VWC2: variants seen among roughly 807,000 people sequenced by gnomAD.
VWC2 encodes von Willebrand factor C domain containing 2.
VWC2 carries 14 observed loss-of-function variants against 29.8 expected under a neutral mutation model. The ratio of observed to expected loss-of-function variants is 0.47; its 90% confidence interval spans 0.31 to 0.74. The LOEUF is 0.74. Among genes scored for constraint, VWC2 ranks in the 30% least tolerant of loss-of-function variants. The probability of loss-of-function intolerance (pLI) is 0.05; values close to 1 mark genes in which losing one functional copy is unlikely to be tolerated. For synonymous variants in VWC2, 213 were observed against 199.0 expected (o/e 1.07, Z -0.59); for missense variants, 457 against 459.8 (o/e 0.99, Z 0.05).
At chr7:49,802,106 C>A (rs1209711511) in intron 2 of VWC2, among the ~76,000 whole-genome samples, 1 of 150,296 alleles carries the variant, frequency 6.7e-6, no homozygotes, top group Non-Finnish European at 1.5e-5. Context: ...AGATGAAAAA[C>A]ATTTCTTCAA....
At chr7:49,820,208 AC>A (rs1789235233) in intron 3 of VWC2, among the ~76,000 whole-genome samples, 1 of 152,102 alleles carries the variant, frequency 6.6e-6, no homozygotes, top group Non-Finnish European at 1.5e-5. Context: ...GCCCTACCCC[AC>A]AGCCGCTCTG....
At chr7:49,908,209 G>A (rs1442299824) in intron 3 of VWC2, among the ~76,000 whole-genome samples, 1 of 152,100 alleles carries the variant, frequency 6.6e-6, no homozygotes, top group Non-Finnish European at 1.5e-5. Context: ...TATTTTAATG[G>A]TAAAGCTGGT....
chr7:49,874,882 T>C (rs1029983739), intron 3 of VWC2, among the ~76,000 whole-genome samples: 2 of 152,164 alleles, frequency 1.3e-5, no homozygotes, highest in Non-Finnish European at 2.9e-5. Flanking sequence ...AACCTGCCTG[T>C]TGGTTCTTCC....
intron 3 of VWC2, among the ~76,000 whole-genome samples, chr7:49,895,087 A>G (rs1250980312): frequency 6.6e-6 from 1 of 152,180 alleles, no homozygotes; most frequent in Non-Finnish European, 1.5e-5. Flanking sequence ...TCAGAAATGT[A>G]TTTTCTCACA....
At chr7:49,893,933 T>C (rs886798474) in intron 3 of VWC2, among the ~76,000 whole-genome samples, 6 of 152,186 alleles carry the variant, frequency 3.9e-5, no homozygotes, top group Non-Finnish European at 5.9e-5. Flanking sequence ...TAAAATAAAA[T>C]GCGTTGCCAC....
chr7:49,824,685 A>G (rs1202885112), intron 3 of VWC2, among the ~76,000 whole-genome samples: 1 of 152,152 alleles, frequency 6.6e-6, no homozygotes, highest in Non-Finnish European at 1.5e-5. Context: ...GTCTACAAAC[A>G]TGGCATATCT....
At chr7:49,800,460 C>T (rs1330798463) in intron 2 of VWC2, among the ~76,000 whole-genome samples, 1 of 152,110 alleles carries the variant, frequency 6.6e-6, no homozygotes, top group Non-Finnish European at 1.5e-5. Flanking sequence ...GGAGTAGATG[C>T]CACGTTGTGC....
At chr7:49,907,459 A>AT (rs1444672474) in intron 3 of VWC2, among the ~76,000 whole-genome samples, 1 of 152,202 alleles carries the variant, frequency 6.6e-6, no homozygotes, top group Non-Finnish European at 1.5e-5. Context: ...TAACAGTAGG[A>AT]TAAAAATAGG....
chr7:49,860,996 G>A (rs1396154493), intron 3 of VWC2, among the ~76,000 whole-genome samples: 1 of 152,146 alleles, frequency 6.6e-6, no homozygotes, highest in Non-Finnish European at 1.5e-5. Flanking sequence ...CCAGTCTGTG[G>A]TATTTTAAAT....
In VWC2 at chr7:49,916,463, T is replaced by C. The variant is rs769953055; in HGVS notation, c.*4278T>C. On this transcript the variant is annotated 3_prime_UTR_variant, in exon 4 of 4. Coordinates refer to ENST00000340652, the MANE Select transcript of VWC2 (RefSeq NM_198570.5). ...GCTGGTAAGGCTTCTGTAGTTCTTA[T>C]TGGAAGAATTGTCACTCTATGTCCC... The C allele has an allele frequency of 2.0e-5, 3 of 152,226 alleles. No individual in the cohort carries two copies. Among genetic ancestry groups the C allele is most frequent in the Non-Finnish European group, 2.9e-5 (2 of 68,044 alleles). The allele number at this position is 152,226 out of a possible 1,614,324, so 9.4% of individuals were successfully genotyped here. A position where few individuals can be genotyped will look rare whatever the true frequency, so the allele number is the denominator to read the frequency against.
At chr7:49,795,485 C>T (rs1259041619) in intron 2 of VWC2, among the ~76,000 whole-genome samples, 3 of 152,160 alleles carry the variant, frequency 2.0e-5, no homozygotes, top group Non-Finnish European at 4.4e-5. Context: ...CACCATCGGT[C>T]CCTTCTTTAA....
chr7:49,829,695 C>T (rs192860083), intron 3 of VWC2, among the ~76,000 whole-genome samples: 5 of 152,368 alleles, frequency 3.3e-5, no homozygotes, highest in Admixed American at 6.5e-5. Flanking sequence ...CTTCCTCTCC[C>T]TTCACATTGC....
At chr7:49,883,931 A>G in intron 3 of VWC2, among the ~76,000 whole-genome samples, 1 of 152,252 alleles carries the variant, frequency 6.6e-6, no homozygotes, top group East Asian at 1.9e-4. Flanking sequence ...CTAAGAACAG[A>G]AAGCAGTGGA....
intron 3 of VWC2, among the ~76,000 whole-genome samples, chr7:49,879,995 G>A (rs1290909437): frequency 6.6e-6 from 1 of 152,056 alleles, no homozygotes; most frequent in Non-Finnish European, 1.5e-5. Flanking sequence ...CAGGCTTCAA[G>A]TTTCAAGAAA....
intron 3 of VWC2, among the ~76,000 whole-genome samples, chr7:49,830,700 G>T (rs1477923075): frequency 6.6e-6 from 1 of 152,050 alleles, no homozygotes; most frequent in Non-Finnish European, 1.5e-5. Flanking sequence ...CTCGGTGTGT[G>T]ATGCTCCCCT....
At chr7:49,880,119 T>C (rs182762396) in intron 3 of VWC2, among the ~76,000 whole-genome samples, 2 of 152,332 alleles carry the variant, frequency 1.3e-5, no homozygotes, top group Admixed American at 1.3e-4. Flanking sequence ...CAAAGTGTTT[T>C]TGTTTCATTT....
At chr7:49,789,120 AGTGT>A (rs545937457) in intron 2 of VWC2, among the ~76,000 whole-genome samples, 20 of 119,232 alleles carry the variant, frequency 1.7e-4, no homozygotes, top group Non-Finnish European at 5.1e-5. Context: ...GAGAGAGTGT[AGTGT>A]GTGTGTGAAT....
intron 3 of VWC2, among the ~76,000 whole-genome samples, chr7:49,863,457 A>C (rs1165640541): frequency 6.6e-6 from 1 of 151,962 alleles, no homozygotes. Context: ...TTTTGAGACA[A>C]GATCTCACTC....
At position 49,913,464 on chromosome 7, in the gene VWC2, A is replaced by T. The variant is rs1037621535; in HGVS notation, c.*1279A>T. 1 of 152,246 alleles carries T rather than the reference A, an allele frequency of 6.6e-6. No individual in the cohort carries two copies. The allele number at this position is 152,246 out of a possible 1,614,324, so 9.4% of individuals were successfully genotyped here. On this transcript the variant is annotated 3_prime_UTR_variant, in exon 4 of 4. Transcript: ENST00000340652. ...GGAGTCTTAATAGGTGTAGGATAAA[A>T]AAAGCAAAACTATAATCACTATTAA...
Sources: allele counts gnomAD v4.1 joint callset (sites outside exome capture counted in the v4.1 genomes callset), GRCh38; gene constraint gnomAD v4.1.1; transcripts MANE v1.5; gene names NCBI Gene and HGNC (gene_info 2026-07-23, HGNC 2026-07-21).